Variants in ATP10B observed in about 807,000 individuals in gnomAD.
ATP10B encodes ATPase phospholipid transporting 10B (putative), also known as phospholipid-transporting ATPase VB.
Under a neutral mutation model 141.2 loss-of-function variants are expected in ATP10B, and 122 were observed. The observed-to-expected ratio is 0.86, with a 90% CI of 0.75 to 1.00. The LOEUF (loss-of-function observed/expected upper bound fraction) is 1.00. ATP10B is among the 50% of genes least tolerant of loss of function. The pLI is 0.00. For missense variants in ATP10B, 1,876 were observed against 1,825.3 expected, an observed-to-expected ratio of 1.03 and a Z score of -0.51; for synonymous variants, 685 against 692.0, an observed-to-expected ratio of 0.99 and a Z score of 0.16.
In ATP10B at chr5:160,688,788, T is replaced by C; in HGVS notation, c.-49A>G. 2.0e-6 allele frequency: 2 copies of C among 985,462 alleles called. No individual in the cohort carries two copies. Among genetic ancestry groups the C allele is most frequent in the South Asian group, 4.7e-5 (1 of 21,288 alleles). The allele number at this position is 985,462 out of a possible 1,614,324, so 61.0% of individuals were successfully genotyped here. A position where few individuals can be genotyped will look rare whatever the true frequency, so the allele number is the denominator to read the frequency against. On this transcript the variant is annotated 5_prime_UTR_variant, in exon 4 of 26. Transcript: ENST00000327245. ...TGGCCGGAACCTCAAAGGAGAGTGA[T>C]AAGTAGAATAGATGGGAGAGGTTCT...
chr5:160,747,988 TGAGA>T (rs1275682262), intron 2 of ATP10B, among the ~76,000 whole-genome samples: 1 of 102,214 alleles, frequency 9.8e-6, no homozygotes, highest in Non-Finnish European at 1.9e-5. Context: ...AGCTGAGCAT[TGAGA>T]GAGAAAAAAA....
At chr5:160,756,478 G>T (rs1768616702) in intron 2 of ATP10B, among the ~76,000 whole-genome samples, 1 of 152,118 alleles carries the variant, frequency 6.6e-6, no homozygotes, top group Non-Finnish European at 1.5e-5. Context: ...TCACCATTTT[G>T]CATTCCCAGC....
intron 1 of ATP10B, among the ~76,000 whole-genome samples, chr5:160,838,857 G>T (rs1294741316): frequency 1.8e-4 from 27 of 152,134 alleles, no homozygotes; most frequent in Admixed American, 1.7e-3. Flanking sequence ...GATCATGGGG[G>T]TGGATCCCTC....
At chr5:160,841,639 A>G (rs990485594) in intron 1 of ATP10B, among the ~76,000 whole-genome samples, 6 of 152,188 alleles carry the variant, frequency 3.9e-5, no homozygotes, top group African/African-American at 1.4e-4. Flanking sequence ...TAACCTCACT[A>G]AAGGGGAGAG....
intron 1 of ATP10B, among the ~76,000 whole-genome samples, chr5:160,807,805 G>T (rs1040562576): frequency 6.6e-6 from 1 of 152,142 alleles, no homozygotes; most frequent in Non-Finnish European, 1.5e-5. Context: ...AAAATGCAGC[G>T]ATAGCAGAGA....
At chr5:160,808,052 G>A (rs1333145088) in intron 1 of ATP10B, among the ~76,000 whole-genome samples, 3 of 152,050 alleles carry the variant, frequency 2.0e-5, no homozygotes, top group South Asian at 2.1e-4. Context: ...AAAAACAGAC[G>A]GGAGAGAGTT....
chr5:160,761,956 T>C (rs1769079333), intron 2 of ATP10B, among the ~76,000 whole-genome samples: 1 of 152,018 alleles, frequency 6.6e-6, no homozygotes. Context: ...AACAATAGAA[T>C]TAAACAAGTA....
At chr5:160,798,588 C>A (rs936807838) in intron 1 of ATP10B, among the ~76,000 whole-genome samples, 2 of 152,008 alleles carry the variant, frequency 1.3e-5, no homozygotes, top group Admixed American at 6.6e-5. Context: ...CTAGACCCTT[C>A]GAAGAGAGAA....
At chr5:160,830,968 CAA>C (rs1199441337) in intron 1 of ATP10B, among the ~76,000 whole-genome samples, 3 of 74,640 alleles carry the variant, frequency 4.0e-5, no homozygotes, top group African/African-American at 1.1e-4. Flanking sequence ...CATACATACA[CAA>C]ACACACACAC....
intron 3 of ATP10B, among the ~76,000 whole-genome samples, chr5:160,698,688 G>GAT (rs139761238): frequency 0.039 from 5,978 of 151,502 alleles, 354 homozygotes; most frequent in East Asian, 0.31. Context: ...TGGGAGATGA[G>GAT]ATATATATAT....
intron 4 of ATP10B, 53 bp from the exon 5 acceptor site, chr5:160,688,147 G>A (rs572493911): frequency 6.5e-6 from 10 of 1,535,546 alleles, no homozygotes; most frequent in Non-Finnish European, 8.8e-6. Flanking sequence ...CAGCATGTTG[G>A]CCTGTTCATT....
At chr5:160,907,850 G>T in the ATP10B span, among the ~76,000 whole-genome samples, 9 of 152,268 alleles carry the variant, frequency 5.9e-5, no homozygotes, top group Admixed American at 2.0e-4. Context: ...CATTTAGGTT[G>T]GTCCTTGTGA....
chr5:160,752,567 G>A (rs543457020), intron 2 of ATP10B, among the ~76,000 whole-genome samples: 19 of 152,166 alleles, frequency 1.2e-4, no homozygotes, highest in East Asian at 7.7e-4. Context: ...TGAAAATTTC[G>A]TTCTTTTTTT....
At position 160,682,659 on chromosome 5, in the gene ATP10B, C is replaced by T. The variant is rs530905047; in HGVS notation, c.470+3420G>A. Among the ~76,000 whole-genome samples, 14 of 152,208 alleles carry T rather than the reference C, an allele frequency of 9.2e-5. No homozygotes were observed. In the South Asian group the frequency reaches 2.5e-3, roughly 27 times the overall value. On this transcript the variant is annotated intron_variant, in intron 6 of 25. Transcript: ENST00000327245. ...CCTCCCTGAGGCACCAGCTTCCTGG[C>T]TTGCCACTGTGTATATTCCATGGAA...
intron 1 of ATP10B, among the ~76,000 whole-genome samples, chr5:160,797,803 A>C (rs1405019328): frequency 6.6e-6 from 1 of 152,132 alleles, no homozygotes; most frequent in East Asian, 1.9e-4. Context: ...TAAATACAAG[A>C]AAAGAAGCTG....
chr5:160,668,879 G>T (rs6556511), intron 7 of ATP10B, among the ~76,000 whole-genome samples: 8 of 152,122 alleles, frequency 5.3e-5, no homozygotes, highest in Non-Finnish European at 1.5e-5. Flanking sequence ...ACACAAAAAG[G>T]GTTTTATGAG....
At chr5:160,837,220 T>G (rs2127983015) in intron 1 of ATP10B, among the ~76,000 whole-genome samples, 1 of 152,284 alleles carries the variant, frequency 6.6e-6, no homozygotes, top group East Asian at 1.9e-4. Context: ...AAAGCAGATA[T>G]TACAAAATCA....
the ATP10B span, among the ~76,000 whole-genome samples, chr5:160,919,788 C>T: frequency 6.6e-6 from 1 of 152,204 alleles, no homozygotes; most frequent in Non-Finnish European, 1.5e-5. Context: ...TGGCAGCCAT[C>T]TCGGGTCGCT....
intron 2 of ATP10B, among the ~76,000 whole-genome samples, chr5:160,729,977 C>T (rs1021097650): frequency 1.3e-5 from 2 of 152,096 alleles, no homozygotes; most frequent in African/African-American, 4.8e-5. Context: ...TTCTTGGAAC[C>T]TGGGGTTCCT....
Sources: gnomAD v4.1 joint callset for allele counts (sites outside exome capture counted in the v4.1 genomes callset) on GRCh38, gnomAD v4.1.1 for gene constraint, MANE v1.5 for transcripts, NCBI Gene and HGNC (gene_info 2026-07-23, HGNC 2026-07-21) for gene names.